Variants in RTF2 observed in about 807,000 individuals in gnomAD.
The protein encoded by RTF2 is replication termination factor 2.
A neutral mutation model predicts 38.0 loss-of-function variants in RTF2; 18 were observed. The observed-to-expected ratio is 0.47, with a 90% CI of 0.33 to 0.70. The LOEUF (loss-of-function observed/expected upper bound fraction) is 0.70. Among genes scored for constraint, RTF2 ranks in the 30% least tolerant of loss-of-function variants. The pLI, the probability that RTF2 is intolerant of heterozygous loss-of-function variation, is 0.02. For missense variants in RTF2, 311 were observed against 379.6 expected (o/e 0.82, Z 1.50); for synonymous variants, 126 against 137.1 (o/e 0.92, Z 0.57).
Position 56,492,722 on chromosome 20 carries a change from A to G in RTF2, c.477+8533A>G, listed in dbSNP as rs116770106. Among the ~76,000 whole-genome samples, 613 of 152,106 alleles carry G rather than the reference A, an allele frequency of 4.0e-3. 4 individuals carry two copies. The highest frequency in any genetic ancestry group is 0.014 in the African/African-American group (580 of 41,496). On this transcript the variant is annotated intron_variant, in intron 5 of 8. Coordinates refer to ENST00000357348, the MANE Select transcript of RTF2 (RefSeq NM_016407.5). ...GTAACACTCTGAAGTGGATTCCATC[A>G]TCATTCCCATTTTGCAAGGGAGGAA...
chr20:56,514,627 G>T (rs1984903864), intron 6 of RTF2, among the ~76,000 whole-genome samples: 1 of 152,132 alleles, frequency 6.6e-6, no homozygotes, highest in Admixed American at 6.5e-5. Context: ...TGTGTAATTC[G>T]TGGTTGTGAG....
chr20:56,470,140 A>G (rs7271450), intron 1 of RTF2, among the ~76,000 whole-genome samples: 3,624 of 152,326 alleles, frequency 0.024, 154 homozygotes, highest in African/African-American at 0.082. Context: ...ATGAATACCC[A>G]AGAGGATGAA....
intron 1 of RTF2, chr20:56,471,584 A>AGG (rs1437933296): frequency 6.6e-6 from 1 of 152,414 alleles, no homozygotes; most frequent in Non-Finnish European, 1.5e-5. Flanking sequence ...AAACAAAACA[A>AGG]AACAAAACCA....
chr20:56,499,806 A>T (rs184775416), intron 5 of RTF2, among the ~76,000 whole-genome samples: 264 of 151,672 alleles, frequency 1.7e-3, no homozygotes, highest in Admixed American at 4.4e-3. Context: ...GCGCAGTCTC[A>T]GCTCACTGCA....
intron 5 of RTF2, among the ~76,000 whole-genome samples, chr20:56,489,152 T>C (rs1405647826): frequency 6.6e-6 from 1 of 152,048 alleles, no homozygotes; most frequent in Non-Finnish European, 1.5e-5. Context: ...GCCTCCCAGG[T>C]TCAAGTGATT....
chr20:56,473,381 C>T lies in RTF2; in HGVS notation c.150C>T (p.Ala50=), dbSNP rs1297836822. The stretch of plus-strand genomic sequence containing the variant: ...AAATATTAAGACGACCAATAGTTGC[C>T]TGTGAACTTGGCAGGTATGGTTTTT... ...SQEILRRPIV[A]CELGRLYNKD... The change falls in exon 2 of 9, where the codon GCC becomes GCT. Residue 50 remains alanine, a synonymous_variant. Transcript: ENST00000357348. 1.1e-5 allele frequency: 18 copies of T among 1,611,798 alleles called. No homozygotes were observed. Among genetic ancestry groups the T allele is most frequent in the Non-Finnish European group, 1.5e-5 (18 of 1,178,198 alleles).
At chr20:56,499,770 T>C (rs1983806044) in intron 5 of RTF2, among the ~76,000 whole-genome samples, 2 of 151,862 alleles carry the variant, frequency 1.3e-5, no homozygotes, top group Non-Finnish European at 2.9e-5. Flanking sequence ...AGGGTCTCAC[T>C]CTGTCACCCA....
At chr20:56,471,572 A>AAAAAC (rs11473355) in intron 1 of RTF2, 53,497 of 151,348 alleles carry the variant, frequency 0.35, 9,778 homozygotes, top group East Asian at 0.63. Flanking sequence ...CGTCTCAAAA[A>AAAAAC]AAAACAAAAC....
At chr20:56,505,290 C>T (rs1182456752) in intron 5 of RTF2, among the ~76,000 whole-genome samples, 1 of 151,822 alleles carries the variant, frequency 6.6e-6, no homozygotes, top group East Asian at 1.9e-4. Flanking sequence ...AGTTTGAGAC[C>T]AGCCTGGAAA....
At chr20:56,513,274 A>T in intron 5 of RTF2, 41 bp from the exon 6 acceptor site, 1 of 1,559,514 alleles carries the variant, frequency 6.4e-7, no homozygotes. Context: ...CTCCCCATTG[A>T]CTGGTGATGG....
Position 56,519,193 on chromosome 20 carries a change from C to A in RTF2, c.*928C>A, listed in dbSNP as rs956657081. On this transcript the variant is annotated 3_prime_UTR_variant, in exon 9 of 9. Transcript: ENST00000357348. ...GATAGTGACTGGTTCTCTATACAGA[C>A]CCCGGGGCCCTGGGTTTCCTTCAGA... 1 of 152,224 alleles carries A rather than the reference C, an allele frequency of 6.6e-6. No individual in the cohort carries two copies. Among genetic ancestry groups the A allele is most frequent in the Non-Finnish European group, 1.5e-5 (1 of 68,112 alleles). 9.4% of individuals were successfully genotyped at this position (152,224 alleles called of 1,614,324 possible).
At position 56,474,724 on chromosome 20, in the gene RTF2, G is replaced by T; in HGVS notation, c.211G>T (p.Ala71Ser). 6.2e-7 allele frequency: 1 copy of T among 1,611,704 alleles called. No homozygotes were observed. The highest frequency in any genetic ancestry group is 8.5e-7 in the Non-Finnish European group (1 of 1,179,176). Reference protein sequence around the residue: ...AVIEFLLDKSAEKALGKAASH... With the variant: ...AVIEFLLDKSSEKALGKAASH... ...CATTGAATTTCTCTTGGACAAATCTGCAGAAAAGGCTCTTGGGAAGGCAGC... is the reference window on the plus strand; with the variant it reads ...CATTGAATTTCTCTTGGACAAATCTTCAGAAAAGGCTCTTGGGAAGGCAGC... Residue 71 changes from alanine (A) to serine (S), a missense_variant, in exon 3 of 9, where the codon GCA becomes TCA. Coordinates refer to ENST00000357348, the MANE Select transcript of RTF2 (RefSeq NM_016407.5).
At chr20:56,472,678 T>TC (rs2146313583) in intron 1 of RTF2, among the ~76,000 whole-genome samples, 1 of 152,348 alleles carries the variant, frequency 6.6e-6, no homozygotes, top group South Asian at 2.1e-4. Flanking sequence ...ACTTTTTTTT[T>TC]TCTCTTTTGT....
At chr20:56,479,178 G>C (rs1982403324) in intron 4 of RTF2, among the ~76,000 whole-genome samples, 1 of 152,110 alleles carries the variant, frequency 6.6e-6, no homozygotes, top group African/African-American at 2.4e-5. Flanking sequence ...TATTAATGTT[G>C]ATATTCTGCC....
chr20:56,469,416 T>G (rs904594731), intron 1 of RTF2, among the ~76,000 whole-genome samples: 5 of 152,206 alleles, frequency 3.3e-5, no homozygotes, highest in African/African-American at 9.6e-5. Flanking sequence ...TCGAGGAAAT[T>G]ATAATAATTT....
intron 1 of RTF2, chr20:56,472,379 AAAC>A: frequency 1.3e-6 from 2 of 1,547,822 alleles, no homozygotes; most frequent in Non-Finnish European, 1.7e-6. Flanking sequence ...GTGAAGGAAA[AAAC>A]AAGAACGGGA....
intron 2 of RTF2, among the ~76,000 whole-genome samples, chr20:56,473,979 T>C (rs1318219291): frequency 6.6e-6 from 1 of 152,076 alleles, no homozygotes; most frequent in Non-Finnish European, 1.5e-5. Flanking sequence ...TACTGGAGGG[T>C]CCATGTGCTG....
chr20:56,497,862 G>C (rs1335450499), intron 5 of RTF2, among the ~76,000 whole-genome samples: 1 of 152,082 alleles, frequency 6.6e-6, no homozygotes, highest in Non-Finnish European at 1.5e-5. Flanking sequence ...GGCAATTGCC[G>C]ATACGCCTTC....
In RTF2 at chr20:56,517,265, C is replaced by T. The variant is rs190017680; in HGVS notation, c.742+64C>T. The T allele has an allele frequency of 8.0e-5, 106 of 1,323,344 alleles. No homozygotes were observed. The African/African-American group carries it at 1.4e-3, about 18-fold the overall frequency. The allele number at this position is 1,323,344 out of a possible 1,614,324, so 82.0% of individuals were successfully genotyped here. A position where few individuals can be genotyped will look rare whatever the true frequency, so the allele number is the denominator to read the frequency against. On this transcript the variant is annotated intron_variant, in intron 8 of 8. Coordinates refer to ENST00000357348, the MANE Select transcript of RTF2 (RefSeq NM_016407.5). ...GGCTGGAAACCCAGGTGGCCGAGTCCAGGTTTCACTGGAGTGGGTGGATGG... is the reference window on the plus strand; with the variant it reads ...GGCTGGAAACCCAGGTGGCCGAGTCTAGGTTTCACTGGAGTGGGTGGATGG...
Sources: allele counts gnomAD v4.1 joint callset (sites outside exome capture counted in the v4.1 genomes callset), GRCh38; gene constraint gnomAD v4.1.1; transcripts MANE v1.5; gene names NCBI Gene and HGNC (gene_info 2026-07-23, HGNC 2026-07-21).